VMP1: variants seen among roughly 807,000 people sequenced by gnomAD.
VMP1 encodes the protein vacuole membrane protein 1, also known as ectopic P-granules autophagy protein 3 homolog.
VMP1 carries 11 observed loss-of-function variants against 56.0 expected under a neutral mutation model. That is an observed-to-expected ratio of 0.20 (90% CI 0.12 to 0.32). The LOEUF (loss-of-function observed/expected upper bound fraction) is 0.32, where lower values mean the gene tolerates loss of function less well. VMP1 is among the 10% of genes least tolerant of loss of function. VMP1 has a pLI of 1.00. For missense variants in VMP1, 296 were observed against 490.3 expected, an observed-to-expected ratio of 0.60 and a Z score of 3.74; for synonymous variants, 149 against 165.0, an observed-to-expected ratio of 0.90 and a Z score of 0.74.
At position 59,739,890 on chromosome 17, in the gene VMP1, A is replaced by G. The variant is rs369872608; in HGVS notation, c.414+943A>G. 4.6e-5 allele frequency among the ~76,000 whole-genome samples: 7 copies of G among 151,766 alleles called. No homozygotes were observed. In the South Asian group the frequency reaches 1.5e-3, roughly 32 times the overall value. On this transcript the variant is annotated intron_variant, in intron 5 of 11. Transcript: ENST00000262291. ...GGAGATCGAGACCATCCTGGCTAACATGGTGAAACCCCGTCTCTACTAAAT... is the reference window on the plus strand; with the variant it reads ...GGAGATCGAGACCATCCTGGCTAACGTGGTGAAACCCCGTCTCTACTAAAT...
At chr17:59,832,362 G>A (rs932107449) in intron 10 of VMP1, among the ~76,000 whole-genome samples, 17 of 150,804 alleles carry the variant, frequency 1.1e-4, no homozygotes, top group African/African-American at 1.7e-4. Context: ...ACAGGATTTC[G>A]CCATGTTGCC....
intron 7 of VMP1, among the ~76,000 whole-genome samples, chr17:59,800,140 G>A (rs777634041): frequency 6.6e-6 from 1 of 152,048 alleles, no homozygotes; most frequent in Non-Finnish European, 1.5e-5. Flanking sequence ...TAGTTATTAA[G>A]GCACTTTTTA....
chr17:59,784,097 A>AAG (rs1279348086), intron 7 of VMP1, among the ~76,000 whole-genome samples: 4 of 134,404 alleles, frequency 3.0e-5, no homozygotes, highest in Non-Finnish European at 3.2e-5. Context: ...ACCCATCAAA[A>AAG]AGAGTGTGTG....
intron 10 of VMP1, among the ~76,000 whole-genome samples, chr17:59,831,913 G>A (rs968851978): frequency 6.6e-6 from 1 of 151,832 alleles, no homozygotes; most frequent in African/African-American, 2.4e-5. Context: ...ATTTTACCCA[G>A]GCTGGAATGC....
At chr17:59,744,188 C>CGTAAATCTCTGCACTTTG (rs2035332752) in intron 5 of VMP1, among the ~76,000 whole-genome samples, 1 of 151,478 alleles carries the variant, frequency 6.6e-6, no homozygotes, top group Non-Finnish European at 1.5e-5. Context: ...TGACCAGGCG[C>CGTAAATCTCTGCACTTTG]GGTGGCTCAT....
rs538745730 is a variant in VMP1, at chr17:59,823,778, G to A, written c.974+6005G>A. On this transcript the variant is annotated intron_variant, in intron 10 of 11. Transcript: ENST00000262291. Reference sequence around the variant, plus strand: ...AAAAAAAAAATCGCTGAATGGTATAGCAAATCATCAAACTAAATTAGTAAA... The same window carrying A: ...AAAAAAAAAATCGCTGAATGGTATAACAAATCATCAAACTAAATTAGTAAA... Among the ~76,000 whole-genome samples, 4 of 151,770 alleles carry A rather than the reference G, an allele frequency of 2.6e-5. No individual in the cohort carries two copies. In the East Asian group the frequency reaches 7.8e-4, roughly 30 times the overall value.
At chr17:59,722,516 G>C (rs1395686060) in intron 1 of VMP1, among the ~76,000 whole-genome samples, 1 of 151,982 alleles carries the variant, frequency 6.6e-6, no homozygotes, top group Non-Finnish European at 1.5e-5. Flanking sequence ...CATAAAAAAC[G>C]TACAGCAACC....
intron 10 of VMP1, among the ~76,000 whole-genome samples, chr17:59,821,119 C>T (rs1355515834): frequency 3.3e-5 from 5 of 151,558 alleles, no homozygotes; most frequent in Non-Finnish European, 5.9e-5. Flanking sequence ...TACAGGCGCC[C>T]GCCTCCATGC....
chr17:59,824,001 C>G (rs1319976594), intron 10 of VMP1, among the ~76,000 whole-genome samples: 1 of 152,182 alleles, frequency 6.6e-6, no homozygotes. Flanking sequence ...CAGAGGCTCA[C>G]GCCTGTAATC....
chr17:59,754,623 T>C (rs2035768570), intron 5 of VMP1, among the ~76,000 whole-genome samples: 1 of 152,250 alleles, frequency 6.6e-6, no homozygotes, highest in Non-Finnish European at 1.5e-5. Flanking sequence ...TGATACCAGA[T>C]GCTTATAACT....
At chr17:59,805,637 T>C (rs1379431149) in intron 7 of VMP1, among the ~76,000 whole-genome samples, 1 of 150,354 alleles carries the variant, frequency 6.7e-6, no homozygotes, top group Non-Finnish European at 1.5e-5. Flanking sequence ...AAGATAATGC[T>C]CTTTGGCAAA....
chr17:59,715,610 T>A (rs949887150), intron 1 of VMP1, among the ~76,000 whole-genome samples: 1 of 152,196 alleles, frequency 6.6e-6, no homozygotes, highest in Admixed American at 6.5e-5. Flanking sequence ...CAGGGGAAAT[T>A]GACATAGTAA....
chr17:59,817,564 A>G, intron 9 of VMP1, 148 bp from the exon 10 acceptor site: 1 of 493,264 alleles, frequency 2.0e-6, no homozygotes, highest in Non-Finnish European at 3.7e-6. Context: ...GTTGGACAGG[A>G]TGGAAATGTT....
At chr17:59,766,848 C>T (rs909276888) in intron 6 of VMP1, among the ~76,000 whole-genome samples, 5 of 151,682 alleles carry the variant, frequency 3.3e-5, no homozygotes, top group East Asian at 1.9e-4. Flanking sequence ...AGCGCAATCT[C>T]GGCTCACTGC....
intron 5 of VMP1, among the ~76,000 whole-genome samples, chr17:59,746,355 A>G (rs1007273403): frequency 2.0e-5 from 3 of 152,148 alleles, no homozygotes; most frequent in Non-Finnish European, 4.4e-5. Flanking sequence ...TATTTTTAGT[A>G]GAGACAGGAT....
intron 10 of VMP1, among the ~76,000 whole-genome samples, chr17:59,824,166 A>G (rs1360840018): frequency 2.6e-5 from 4 of 151,414 alleles, no homozygotes; most frequent in African/African-American, 9.7e-5. Context: ...CAGGAGAATC[A>G]CTTGAACCCA....
chr17:59,837,519 T>G (rs2144351261), intron 10 of VMP1: 1 of 152,314 alleles, frequency 6.6e-6, no homozygotes, highest in Admixed American at 6.5e-5. Context: ...AAGAAGGAGC[T>G]CCGAGTACAT....
intron 9 of VMP1, among the ~76,000 whole-genome samples, chr17:59,815,957 A>G (rs913212933): frequency 5.3e-5 from 8 of 150,708 alleles, no homozygotes. Flanking sequence ...TCTCCCTCCC[A>G]TGTCTTTTTT....
intron 1 of VMP1, among the ~76,000 whole-genome samples, chr17:59,723,338 T>G (rs1231172037): frequency 6.6e-6 from 1 of 151,924 alleles, no homozygotes; most frequent in Non-Finnish European, 1.5e-5. Context: ...TAAAGGAACA[T>G]AAAAAGGAAT....
Sources: gnomAD v4.1 joint callset for allele counts (sites outside exome capture counted in the v4.1 genomes callset) on GRCh38, gnomAD v4.1.1 for gene constraint, MANE v1.5 for transcripts, NCBI Gene and HGNC (gene_info 2026-07-23, HGNC 2026-07-21) for gene names.